The following OPA3 variants were observed in gnomAD, a reference collection of about 807,000 sequenced individuals.
OPA3 encodes optic atrophy 3 protein.
OPA3 carries 6 observed loss-of-function variants against 4.0 expected under a neutral mutation model. The observed-to-expected ratio is 1.51, with a 90% CI of 0.83 to 2.99. The LOEUF (loss-of-function observed/expected upper bound fraction) is 2.99. Ranked by LOEUF, OPA3 falls within the 30% of genes most tolerant of loss-of-function variation. The pLI, the probability that OPA3 is intolerant of heterozygous loss-of-function variation, is 0.00. For missense variants in OPA3, 235 were observed against 256.2 expected (o/e 0.92, Z 0.56); for synonymous variants, 105 against 117.1 (o/e 0.90, Z 0.67).
intron 1 of OPA3, among the ~76,000 whole-genome samples, chr19:45,560,485 G>A (rs991608823): frequency 2.6e-5 from 4 of 152,092 alleles, no homozygotes; most frequent in African/African-American, 9.7e-5. Context: ...TATGGCTCCT[G>A]TCTCTGGCTC....
intron 1 of OPA3, among the ~76,000 whole-genome samples, chr19:45,533,818 T>C (rs1025944315): frequency 6.6e-6 from 1 of 152,216 alleles, no homozygotes. Context: ...GGCTCCGTCC[T>C]GGGCAGGCTC....
At chr19:45,573,901 G>C (rs1471686718) in intron 1 of OPA3, among the ~76,000 whole-genome samples, 1 of 152,208 alleles carries the variant, frequency 6.6e-6, no homozygotes, top group African/African-American at 2.4e-5. Flanking sequence ...GGTGGCTCAC[G>C]CCTGTAATCC....
At chr19:45,543,201 G>A (rs1486960099), downstream of OPA3, among the ~76,000 whole-genome samples, 11 of 152,010 alleles carry the variant, frequency 7.2e-5, no homozygotes, top group South Asian at 2.1e-4. Context: ...AAGAAATAGC[G>A]TCTCTGTATA....
At position 45,550,166 on chromosome 19, in the gene OPA3, A is replaced by T; in HGVS notation, c.*3348T>A. 1.0e-6 allele frequency: 1 copy of T among 976,818 alleles called. No individual in the cohort carries two copies. The highest frequency in any genetic ancestry group is 1.2e-6 in the Non-Finnish European group (1 of 822,130). The allele number at this position is 976,818 out of a possible 1,614,324, so 60.5% of individuals were successfully genotyped here. On this transcript the variant is annotated 3_prime_UTR_variant, in exon 2 of 2. Transcript: ENST00000263275. ...AGCTAGACTGTCTCCGAAAGAAAAG[A>T]AAAGAAAAAAGAAGAGAAAAGAAGA...
At chr19:45,528,793 C>T (rs1001891711) in exon 2 of OPA3, 1 of 427,908 alleles carries the variant, frequency 2.3e-6, no homozygotes, top group Non-Finnish European at 4.1e-6. Flanking sequence ...AACAAATGCG[C>T]TGGCAGGGGC....
downstream of OPA3, among the ~76,000 whole-genome samples, chr19:45,543,002 G>GCTTA (rs1555731464): frequency 2.7e-5 from 4 of 149,384 alleles, no homozygotes; most frequent in Non-Finnish European, 4.4e-5. Context: ...TATTTTGTTT[G>GCTTA]TTTATTTATT....
In OPA3 at chr19:45,550,848, C is replaced by T; in HGVS notation, c.*2666G>A. The T allele has an allele frequency of 1.0e-6, 1 of 986,108 alleles. No individual in the cohort carries two copies. The highest frequency in any genetic ancestry group is 1.2e-6 in the Non-Finnish European group (1 of 830,140). 61.1% of individuals were successfully genotyped at this position (986,108 alleles called of 1,614,324 possible). On this transcript the variant is annotated 3_prime_UTR_variant, in exon 2 of 2. Coordinates refer to ENST00000263275, the MANE Select transcript of OPA3 (RefSeq NM_025136.4). ...ACTGCAGGCTACTGGGACCCACCCC[C>T]TCCCGCTTCAGTGGCAGATCCTGGA...
In OPA3 at chr19:45,576,657, C is replaced by T. The variant is rs1350042541; in HGVS notation, c.142+7966G>A. Among the ~76,000 whole-genome samples the T allele has an allele frequency of 3.9e-5, 6 of 152,034 alleles. No individual in the cohort carries two copies. In the East Asian group the frequency reaches 9.6e-4, roughly 24 times the overall value. On this transcript the variant is annotated intron_variant, in intron 1 of 1. Coordinates refer to ENST00000263275, the MANE Select transcript of OPA3 (RefSeq NM_025136.4). The stretch of plus-strand genomic sequence containing the variant: ...GAATCCATCTCCTCGGCTTTTCCAG[C>T]TTCCAGAGGCTGCCCGCATTCCTTG...
At position 45,548,329 on chromosome 19, in the gene OPA3, G is replaced by A; in HGVS notation, c.*5185C>T. ...TTTGCCTCCCTCCAGGCAATGGCCT[G>A]CCCTACAGAGAAACCAACAAGAGGG... is the stretch of plus-strand genomic sequence containing the variant. On this transcript the variant is annotated 3_prime_UTR_variant, in exon 2 of 2. Coordinates refer to ENST00000263275, the MANE Select transcript of OPA3 (RefSeq NM_025136.4). 3 of 985,516 alleles carry A rather than the reference G, an allele frequency of 3.0e-6. No homozygotes were observed. The highest frequency in any genetic ancestry group is 3.6e-6 in the Non-Finnish European group (3 of 829,982). The allele number at this position is 985,516 out of a possible 1,614,324, so 61.0% of individuals were successfully genotyped here.
At chr19:45,576,453 G>A (rs141102071) in intron 1 of OPA3, among the ~76,000 whole-genome samples, 2,149 of 151,842 alleles carry the variant, frequency 0.014, 62 homozygotes, top group African/African-American at 0.048. Flanking sequence ...CAGGAGAATC[G>A]CTTGAACCCA....
intron 1 of OPA3, among the ~76,000 whole-genome samples, chr19:45,566,250 A>C (rs1969580492): frequency 6.7e-6 from 1 of 149,020 alleles, no homozygotes; most frequent in Non-Finnish European, 1.5e-5. Flanking sequence ...CCAGGGTTCA[A>C]GTGATTCTCC....
chr19:45,572,540 T>TATG (rs1969693368), intron 1 of OPA3, among the ~76,000 whole-genome samples: 2 of 136,650 alleles, frequency 1.5e-5, no homozygotes, highest in Admixed American at 7.9e-5. Flanking sequence ...ATATATCATA[T>TATG]GATATATATA....
Position 45,548,237 on chromosome 19 carries a change from C to T in OPA3, c.*5277G>A, listed in dbSNP as rs535986790. On this transcript the variant is annotated 3_prime_UTR_variant, in exon 2 of 2. Transcript: ENST00000263275. Reference sequence around the variant, plus strand: ...ACAGCGACCAGCCCAGGAGTAGCTCCGTGAGCCAATAGATCAGGTTGGGGC... The same window carrying T: ...ACAGCGACCAGCCCAGGAGTAGCTCTGTGAGCCAATAGATCAGGTTGGGGC... The T allele has an allele frequency of 3.6e-5, 35 of 985,584 alleles. 1 individual carries two copies. The East Asian group carries it at 1.2e-3, about 35-fold the overall frequency. The allele number at this position is 985,584 out of a possible 1,614,324, so 61.1% of individuals were successfully genotyped here. A position where few individuals can be genotyped will look rare whatever the true frequency, so the allele number is the denominator to read the frequency against.
intron 1 of OPA3, among the ~76,000 whole-genome samples, chr19:45,537,300 G>C (rs1288034056): frequency 1.4e-5 from 2 of 147,234 alleles, no homozygotes; most frequent in African/African-American, 5.0e-5. Flanking sequence ...AGCAGGCTGA[G>C]CGAGGAGGAT....
chr19:45,553,746 C>T lies in OPA3; in HGVS notation c.308G>A (p.Arg103His). ...GGGCLVLEYW[R>H]HQAQQRHKEE... is the part of the protein sequence containing the mutation. ...CTTGTGGCGCTGCTGCGCCTGGTGG[C>T]GCCAGTACTCCAGCACTAGGCAGCC... The change falls in exon 2 of 2, where the codon CGC becomes CAC. Residue 103 changes from arginine to histidine, a missense_variant. By Grantham distance (29) the Arg-to-His change is conservative. Transcript: ENST00000263275. 1 of 1,611,682 alleles carries T rather than the reference C, an allele frequency of 6.2e-7. No homozygotes were observed. Among genetic ancestry groups the T allele is most frequent in the Non-Finnish European group, 8.5e-7 (1 of 1,179,734 alleles).
chr19:45,562,128 A>G (rs1212918106), intron 1 of OPA3, among the ~76,000 whole-genome samples: 3 of 151,764 alleles, frequency 2.0e-5, no homozygotes, highest in Admixed American at 2.0e-4. Flanking sequence ...GCACTGGATC[A>G]CTTGAAGTCA....
chr19:45,555,909 A>G (rs555941498), intron 1 of OPA3, among the ~76,000 whole-genome samples: 203 of 151,986 alleles, frequency 1.3e-3, no homozygotes, highest in African/African-American at 4.7e-3. Context: ...TGGGATTGCA[A>G]TCGTGAGCCA....
chr19:45,540,663 C>T (rs997303318), intron 1 of OPA3, among the ~76,000 whole-genome samples: 33 of 150,266 alleles, frequency 2.2e-4, no homozygotes, highest in African/African-American at 7.6e-4. Context: ...GTCAGGTGGG[C>T]GTGGTGACAG....
intron 1 of OPA3, among the ~76,000 whole-genome samples, chr19:45,561,580 T>C (rs1969503868): frequency 6.6e-6 from 1 of 152,072 alleles, no homozygotes; most frequent in Admixed American, 6.6e-5. Context: ...CGGAACTGTA[T>C]ACTAGGGAGG....
Sources: allele counts gnomAD v4.1 joint callset (sites outside exome capture counted in the v4.1 genomes callset), GRCh38; gene constraint gnomAD v4.1.1; transcripts MANE v1.5; gene names NCBI Gene and HGNC (gene_info 2026-07-23, HGNC 2026-07-21).